ENAH: variants seen among roughly 807,000 people sequenced by gnomAD.
ENAH encodes the protein ENAH actin regulator.
In ENAH, 23 loss-of-function variants were observed where a neutral mutation model predicts 78.7. The ratio of observed to expected loss-of-function variants is 0.29; its 90% CI spans 0.21 to 0.41. The LOEUF (loss-of-function observed/expected upper bound fraction) is 0.41, where lower values mean the gene tolerates loss of function less well. Among genes scored for constraint, ENAH ranks in the 10% least tolerant of loss-of-function variants. The pLI, the probability that ENAH is intolerant of heterozygous loss-of-function variation, is 1.00. For missense variants in ENAH, 544 were observed against 691.0 expected (o/e 0.79, Z 2.39); for synonymous variants, 226 against 241.0 (o/e 0.94, Z 0.58).
At chr1:225,550,009 C>T (rs181752569) in intron 3 of ENAH, among the ~76,000 whole-genome samples, 211 of 152,324 alleles carry the variant, frequency 1.4e-3, no homozygotes, top group African/African-American at 4.6e-3. Flanking sequence ...TTCACCACCT[C>T]CATGATAACA....
chr1:225,540,581 C>T (rs770065767), intron 3 of ENAH, among the ~76,000 whole-genome samples: 16 of 151,896 alleles, frequency 1.1e-4, no homozygotes, highest in Non-Finnish European at 2.4e-4. Context: ...AGAGAATAAA[C>T]CTCAGACATT....
chr1:225,519,992 C>A (rs934161313), intron 4 of ENAH, among the ~76,000 whole-genome samples: 10 of 152,066 alleles, frequency 6.6e-5, no homozygotes, highest in Admixed American at 2.0e-4. Flanking sequence ...AGCAATAGCT[C>A]AATAAATATT....
chr1:225,650,169 C>G (rs1405036800), intron 1 of ENAH, among the ~76,000 whole-genome samples: 1 of 152,212 alleles, frequency 6.6e-6, no homozygotes, highest in East Asian at 1.9e-4. Flanking sequence ...TACTACCTAA[C>G]CACCTGCCAA....
chr1:225,519,405 C>T lies in ENAH; in HGVS notation c.595G>A (p.Glu199Lys), dbSNP rs1237058808. Residue 199 changes from glutamate (E) to lysine (K), a missense_variant, in exon 5 of 14, where the codon GAA becomes AAA. Physicochemically the swap from Glu to Lys is moderately conservative, Grantham distance 56. Coordinates refer to ENST00000366843, the MANE Select transcript of ENAH (RefSeq NM_018212.6). The stretch of plus-strand genomic sequence containing the variant: ...TGCCGCTCCAGGCGTTCCTGCCGTT[C>T]CCGTTCTTGTCTCTCTCTCTCCAGC... ...EQLERERQER[E>K]RQERLERQER... The T allele has an allele frequency of 9.9e-6, 16 of 1,613,916 alleles. No individual in the cohort carries two copies. The highest frequency in any genetic ancestry group is 1.3e-5 in the Non-Finnish European group (15 of 1,179,964).
rs2096222758 is a variant in ENAH at position 225,491,614 on chromosome 1, T to C, written c.*6161A>G. 6.6e-6 allele frequency: 1 copy of C among 152,206 alleles called. No homozygotes were observed. The highest frequency in any genetic ancestry group is 6.5e-5 in the Admixed American group (1 of 15,284). 9.4% of individuals were successfully genotyped at this position (152,206 alleles called of 1,614,324 possible). On this transcript the variant is annotated 3_prime_UTR_variant, in exon 14 of 14. Transcript: ENST00000366843. ...TATCTCTCTTATATGGTTGCAACAA[T>C]GTGTATTTTAAGTGTAAGCCAAGAA...
At chr1:225,510,699 T>TAAAAAAAAAAAAAAAAAAAAAAGAAAA (rs770906084) in intron 10 of ENAH, among the ~76,000 whole-genome samples, 1 of 106,046 alleles carries the variant, frequency 9.4e-6, no homozygotes, top group Non-Finnish European at 2.0e-5. Flanking sequence ...CAGAGGTACT[T>TAAAAAAAAAAAAAAAAAAAAAAGAAAA]AAAAAAAAAA....
chr1:225,601,640 T>C (rs1449128660), intron 1 of ENAH, among the ~76,000 whole-genome samples: 1 of 152,016 alleles, frequency 6.6e-6, no homozygotes, highest in Non-Finnish European at 1.5e-5. Flanking sequence ...TGGACGGGGA[T>C]ACATTTTTTT....
chr1:225,607,616 C>A (rs2096963550), intron 1 of ENAH, among the ~76,000 whole-genome samples: 1 of 151,894 alleles, frequency 6.6e-6, no homozygotes, highest in African/African-American at 2.4e-5. Flanking sequence ...GACACTCAGC[C>A]CATTACTCTG....
chr1:225,644,744 T>C (rs1405422816), intron 1 of ENAH, among the ~76,000 whole-genome samples: 1 of 152,182 alleles, frequency 6.6e-6, no homozygotes, highest in African/African-American at 2.4e-5. Flanking sequence ...TTTCACATCA[T>C]CAGATGTATT....
intron 1 of ENAH, among the ~76,000 whole-genome samples, chr1:225,626,242 A>G (rs1471921345): frequency 5.3e-5 from 8 of 152,234 alleles, no homozygotes. Context: ...TACCAGGAGA[A>G]CTAACTTGAG....
intron 3 of ENAH, among the ~76,000 whole-genome samples, chr1:225,536,267 G>A (rs566106830): frequency 1.1e-4 from 16 of 152,062 alleles, no homozygotes; most frequent in African/African-American, 3.9e-4. Context: ...TAGCTTAAGT[G>A]TCAATGAAGT....
intron 1 of ENAH, among the ~76,000 whole-genome samples, chr1:225,615,710 T>C (rs1026255460): frequency 6.8e-6 from 1 of 146,194 alleles, no homozygotes; most frequent in African/African-American, 2.6e-5. Context: ...GTCTGGGAAC[T>C]GAGGAGTGTC....
intron 4 of ENAH, among the ~76,000 whole-genome samples, chr1:225,523,784 TAGG>T (rs969218181): frequency 6.6e-6 from 1 of 152,172 alleles, no homozygotes; most frequent in Non-Finnish European, 1.5e-5. Context: ...TGTAGCTTTC[TAGG>T]AGGAGTTTCC....
chr1:225,635,788 G>GA (rs998534657), intron 1 of ENAH, among the ~76,000 whole-genome samples: 3 of 152,182 alleles, frequency 2.0e-5, no homozygotes, highest in African/African-American at 7.2e-5. Context: ...AGACAGACAG[G>GA]AAAAGACAGC....
chr1:225,517,274 A>G lies in ENAH; in HGVS notation c.835T>C (p.Ser279Pro), dbSNP rs764256755. 3 of 1,551,812 alleles carry G rather than the reference A, an allele frequency of 1.9e-6. No individual in the cohort carries two copies. The highest frequency in any genetic ancestry group is 2.4e-5 in the South Asian group (2 of 84,042). ...APASVETPLN[S>P]VLGDSSASEP... ...GAAGCAGAAGAGTCTCCCAGCACAG[A>G]GTTTAGAGGAGTCTCAACAGAGGCA... The change falls in exon 6 of 14, where the codon TCT becomes CCT. Residue 279 changes from serine (S) to proline (P), a missense_variant. Physicochemically the swap from Ser to Pro is moderately conservative, Grantham distance 74. Transcript: ENST00000366843.
At chr1:225,531,056 C>A in intron 3 of ENAH, 3 of 399,176 alleles carry the variant, frequency 7.5e-6, no homozygotes, top group Non-Finnish European at 1.3e-5. Context: ...CTAAATAGAA[C>A]ACTGGAAATG....
At chr1:225,615,061 CCT>C (rs928534773) in intron 1 of ENAH, among the ~76,000 whole-genome samples, 2 of 138,316 alleles carry the variant, frequency 1.4e-5, no homozygotes, top group African/African-American at 5.7e-5. Flanking sequence ...TCTCCCTCTC[CCT>C]CTCTCTCCAC....
rs569517693 is a variant in ENAH at position 225,497,481 on chromosome 1, T to A, written c.*294A>T. 4 of 235,276 alleles carry A rather than the reference T, an allele frequency of 1.7e-5. No individual in the cohort carries two copies. The highest frequency in any genetic ancestry group is 6.7e-5 in the African/African-American group (3 of 44,592). 14.6% of individuals were successfully genotyped at this position (235,276 alleles called of 1,614,324 possible). A position where few individuals can be genotyped will look rare whatever the true frequency, so the allele number is the denominator to read the frequency against. Reference sequence around the variant, plus strand: ...ATGAAAATATTTCAATGCGTGGTGATCTTGCCTGATGGGTTTTAGTATTTT... The same window carrying A: ...ATGAAAATATTTCAATGCGTGGTGAACTTGCCTGATGGGTTTTAGTATTTT... On this transcript the variant is annotated 3_prime_UTR_variant, in exon 14 of 14. Transcript: ENST00000366843.
At chr1:225,506,349 A>T (rs2096329253) in intron 11 of ENAH, among the ~76,000 whole-genome samples, 1 of 152,146 alleles carries the variant, frequency 6.6e-6, no homozygotes, top group Non-Finnish European at 1.5e-5. Flanking sequence ...CACCATGCCC[A>T]GCTAATTTTT....
Sources: gnomAD v4.1 joint callset for allele counts (sites outside exome capture counted in the v4.1 genomes callset) on GRCh38, gnomAD v4.1.1 for gene constraint, MANE v1.5 for transcripts, NCBI Gene and HGNC (gene_info 2026-07-23, HGNC 2026-07-21) for gene names.